The following VSIG10L variants were observed in gnomAD, a reference collection of about 807,000 sequenced individuals.
VSIG10L encodes V-set and immunoglobulin domain-containing protein 10-like.
VSIG10L carries 63 observed loss-of-function variants against 67.3 expected under a neutral mutation model. The ratio of observed to expected loss-of-function variants is 0.94; its 90% CI spans 0.76 to 1.15. The LOEUF (loss-of-function observed/expected upper bound fraction) is 1.15, where lower values mean the gene tolerates loss of function less well. Ranked by LOEUF, VSIG10L falls within the 50% of genes most tolerant of loss-of-function variation. The probability of loss-of-function intolerance (pLI) is 0.00; values close to 1 mark genes in which losing one functional copy is unlikely to be tolerated. For missense variants in VSIG10L, 1,050 were observed against 1,177.5 expected (o/e 0.89, Z 1.58); for synonymous variants, 499 against 524.9 (o/e 0.95, Z 0.67).
intron 7 of VSIG10L, among the ~76,000 whole-genome samples, chr19:51,336,412 G>A (rs909784797): frequency 6.6e-6 from 1 of 152,082 alleles, no homozygotes; most frequent in Admixed American, 6.6e-5. Flanking sequence ...AAATTAGCTG[G>A]GTGTGGTGGC....
chr19:51,333,756 C>T (rs1344424515), intron 9 of VSIG10L, 35 bp downstream of exon 9: 6 of 1,506,702 alleles, frequency 4.0e-6, no homozygotes, highest in African/African-American at 1.4e-5. Flanking sequence ...AGTTCCGCCC[C>T]GATTCCAGGA....
At position 51,340,451 on chromosome 19, in the gene VSIG10L, C is replaced by T; in HGVS notation, c.1171G>A (p.Ala391Thr). 6.7e-7 allele frequency: 1 copy of T among 1,491,436 alleles called. No individual in the cohort carries two copies. The highest frequency in any genetic ancestry group is 2.1e-5 in the Admixed American group (1 of 47,118). 92.4% of individuals were successfully genotyped at this position (1,491,436 alleles called of 1,614,324 possible). A position where few individuals can be genotyped will look rare whatever the true frequency, so the allele number is the denominator to read the frequency against. Residue 391 changes from alanine to threonine, a missense_variant, in exon 3 of 10, where the codon GCC becomes ACC. Physicochemically the swap from Ala to Thr is moderately conservative, Grantham distance 58 (BLOSUM62 0). Transcript: ENST00000335624. The surrounding 1 kb of genome is among the most constrained non-coding windows in gnomAD (Gnocchi z 6.3). ...RSPFGHREAAADVSVFYGPDP... is the reference protein window; with the variant it reads ...RSPFGHREAATDVSVFYGPDP... Reference sequence around the variant, plus strand: ...CACTCACAGAAGACGCTGACGTCGGCGGCAGCCTCCCTGTGGCCGAAGGGG... The same window carrying T: ...CACTCACAGAAGACGCTGACGTCGGTGGCAGCCTCCCTGTGGCCGAAGGGG...
Position 51,340,290 on chromosome 19 carries a change from TC to T in VSIG10L, c.1198del (p.Asp400ThrfsTer25), listed in dbSNP as rs1216996824. On this transcript the variant is annotated frameshift_variant, in exon 4 of 10. Transcript: ENST00000335624. LOFTEE classifies it high-confidence loss of function. This position sits in a 1 kb window ranked among gnomAD's most constrained non-coding sequence, Gnocchi z 6.3. ...CGAGGAGACCGTGATGGTCGGCGGG[TC>T]CGGGCCGTCTGGAGGGAGGAGGGGT... ...AADVSVFYGP[D>X]PPTITVSSDR... The T allele has an allele frequency of 6.6e-7, 1 of 1,516,726 alleles. No individual in the cohort carries two copies. The highest frequency in any genetic ancestry group is 8.8e-7 in the Non-Finnish European group (1 of 1,138,888). 94.0% of individuals were successfully genotyped at this position (1,516,726 alleles called of 1,614,324 possible).
chr19:51,335,175 G>A (rs1436613649), intron 7 of VSIG10L, among the ~76,000 whole-genome samples: 1 of 152,202 alleles, frequency 6.6e-6, no homozygotes, highest in Admixed American at 6.5e-5. Context: ...GGCCAGCGTG[G>A]GTGGAGGATA....
At position 51,333,780 on chromosome 19, in the gene VSIG10L, C is replaced by T. The variant is rs1376752343; in HGVS notation, c.2574+11G>A. The T allele has an allele frequency of 2.0e-6, 3 of 1,533,794 alleles. No individual in the cohort carries two copies. Among genetic ancestry groups the T allele is most frequent in the Non-Finnish European group, 2.6e-6 (3 of 1,139,654 alleles). The stretch of plus-strand genomic sequence containing the variant: ...CCGATTCCAGGAGGAAATGAGGGCA[C>T]CCACACTCACTTGGTAGGCCCTAGT... On this transcript the variant is annotated intron_variant, in intron 9 of 9. Transcript: ENST00000335624.
intron 8 of VSIG10L, 118 bp from the exon 9 acceptor site, chr19:51,334,063 T>A (rs1599831972): frequency 4.0e-6 from 6 of 1,490,636 alleles, no homozygotes; most frequent in Middle Eastern, 1.7e-4. Context: ...TTGGCTGATT[T>A]GGAGGTAGGA....
chr19:51,338,193 A>T lies in VSIG10L; in HGVS notation c.1745T>A (p.Val582Glu). The change falls in exon 6 of 10, where the codon GTG becomes GAG. Residue 582 changes from valine to glutamate, a missense_variant. Coordinates refer to ENST00000335624, the MANE Select transcript of VSIG10L (RefSeq NM_001163922.3). ...CTCTGCCACCAGCGGATGCAGCAGC[A>T]CCTCTCGGGGGGCCTCTGCCGGTGG... is the stretch of plus-strand genomic sequence containing the variant. ...CTVTPEAPRE[V>E]LLHPLVAETR... The T allele has an allele frequency of 1.4e-6, 2 of 1,457,786 alleles. No individual in the cohort carries two copies. The highest frequency in any genetic ancestry group is 9.1e-7 in the Non-Finnish European group (1 of 1,102,498). The allele number at this position is 1,457,786 out of a possible 1,614,324, so 90.3% of individuals were successfully genotyped here.
Position 51,341,963 on chromosome 19 carries a change from G to C in VSIG10L, c.85C>G (p.Gln29Glu), listed in dbSNP as rs757056621. ...ILTLRASSGL[Q>E]QTNFSSAFSS... ...AAGGCAGAGGAGAAGTTGGTTTGCT[G>C]AAGTCCAGAAGAGGCTCTGAGGGTG... The change falls in exon 2 of 10, where the codon CAG becomes GAG. Residue 29 changes from glutamine to glutamate, a missense_variant. Physicochemically the swap from Gln to Glu is conservative, Grantham distance 29 (BLOSUM62 2). This residue lies in a region of VSIG10L where 511 missense variants were observed against 557.9 expected (regional missense o/e 0.92). Transcript: ENST00000335624. 7.1e-6 allele frequency: 11 copies of C among 1,551,726 alleles called. No homozygotes were observed. The South Asian group carries it at 1.1e-4, about 15-fold the overall frequency.
intron 7 of VSIG10L, 30 bp downstream of exon 7, chr19:51,337,208 A>G: frequency 6.6e-7 from 1 of 1,521,756 alleles, no homozygotes; most frequent in African/African-American, 1.4e-5. Flanking sequence ...GGCACAACAG[A>G]GAAGGTCTAC....
Position 51,340,242 on chromosome 19 carries a change from CGGGCAGGCGCGGCG to C in VSIG10L, c.1233_1246del (p.Asp411GlufsTer8). ...CACGTTACTGCCCGCGGTGACAAAG[CGGGCAGGCGCGGCG>C]TCGCGGTCCGAGGAGACCGTGATGG... On this transcript the variant is annotated frameshift_variant, in exon 4 of 10. Transcript: ENST00000335624. LOFTEE classifies it high-confidence loss of function. This position sits in a 1 kb window ranked among gnomAD's most constrained non-coding sequence, Gnocchi z 6.3. 1.3e-6 allele frequency: 2 copies of C among 1,511,656 alleles called. No homozygotes were observed. Among genetic ancestry groups the C allele is most frequent in the Non-Finnish European group, 1.8e-6 (2 of 1,137,630 alleles). 93.6% of individuals were successfully genotyped at this position (1,511,656 alleles called of 1,614,324 possible). A position where few individuals can be genotyped will look rare whatever the true frequency, so the allele number is the denominator to read the frequency against.
Position 51,341,705 on chromosome 19 carries a change from C to T in VSIG10L, c.343G>A (p.Gly115Ser), listed in dbSNP as rs1487137865. 1 of 1,551,640 alleles carries T rather than the reference C, an allele frequency of 6.4e-7. No homozygotes were observed. The highest frequency in any genetic ancestry group is 2.0e-5 in the Admixed American group (1 of 51,002). ...GAAATATCAGGAAATACTTCAGAACCAGGGGTTTCAGAGAAGGGGGAAACC... is the reference window on the plus strand; with the variant it reads ...GAAATATCAGGAAATACTTCAGAACTAGGGGTTTCAGAGAAGGGGGAAACC... ...SPVSPFSETP[G>S]SEVFPDISDP... The change falls in exon 2 of 10, where the codon GGT becomes AGT. Residue 115 changes from glycine to serine, a missense_variant. Coordinates refer to ENST00000335624, the MANE Select transcript of VSIG10L (RefSeq NM_001163922.3).
chr19:51,338,140 G>A lies in VSIG10L; in HGVS notation c.1798C>T (p.Leu600=), dbSNP rs1009386805. 2 of 1,541,948 alleles carry A rather than the reference G, an allele frequency of 1.3e-6. No homozygotes were observed. The highest frequency in any genetic ancestry group is 1.8e-6 in the Non-Finnish European group (2 of 1,141,778). The change falls in exon 6 of 10, where the codon CTG becomes TTG. Residue 600 remains leucine, a synonymous_variant. Coordinates refer to ENST00000335624, the MANE Select transcript of VSIG10L (RefSeq NM_001163922.3). The stretch of plus-strand genomic sequence containing the variant: ...GGTGGGGGACAACCAGAGGCCTCCA[G>A]TGCCACCTCTGCCTCCCCCAACCGT... ...ETRLGEAEVA[L]EASGCPPPSR...
Position 51,333,909 on chromosome 19 carries a change from A to G in VSIG10L, c.2456T>C (p.Leu819Ser). 1 of 1,551,648 alleles carries G rather than the reference A, an allele frequency of 6.4e-7. No homozygotes were observed. Among genetic ancestry groups the G allele is most frequent in the Non-Finnish European group, 8.7e-7 (1 of 1,146,966 alleles). ...TPEKKKHPST[L>S]VPVVTPSEKK... is the part of the protein sequence containing the mutation. ...TTCTGAGGGGGTGACCACGGGGACC[A>G]AGGTAGAAGGATGCTTCTTTTTCTC... Residue 819 changes from leucine to serine, a missense_variant, in exon 9 of 10, where the codon TTG becomes TCG. Physicochemically the swap from Leu to Ser is moderately radical, Grantham distance 145. Coordinates refer to ENST00000335624, the MANE Select transcript of VSIG10L (RefSeq NM_001163922.3).
rs775047352 is a variant in VSIG10L, at chr19:51,337,228, C to T, written c.2305+10G>A. ...AACAGAGAAGGTCTACTCTGACAGC[C>T]CCAACTCACCGGCCCGGTAGACCCG... On this transcript the variant is annotated intron_variant, in intron 7 of 9. Coordinates refer to ENST00000335624, the MANE Select transcript of VSIG10L (RefSeq NM_001163922.3). The T allele has an allele frequency of 9.7e-6, 15 of 1,540,724 alleles. No individual in the cohort carries two copies. In the South Asian group the frequency reaches 1.8e-4, roughly 19 times the overall value.
intron 4 of VSIG10L, 57 bp downstream of exon 4, chr19:51,339,958 T>A: frequency 7.4e-5 from 66 of 890,774 alleles, no homozygotes; most frequent in Non-Finnish European, 9.0e-5. Context: ...AGCCCCGCCC[T>A]CGTTCTGGCC....
Position 51,341,278 on chromosome 19 carries a change from A to C in VSIG10L, c.770T>G (p.Phe257Cys). 1.3e-6 allele frequency: 2 copies of C among 1,549,204 alleles called. No individual in the cohort carries two copies. Among genetic ancestry groups the C allele is most frequent in the Non-Finnish European group, 1.7e-6 (2 of 1,146,886 alleles). The change falls in exon 2 of 10, where the codon TTT becomes TGT. Residue 257 changes from phenylalanine (F) to cysteine (C), a missense_variant. Phe to Cys is a radical substitution (Grantham distance 205). This residue lies in a region of VSIG10L where 511 missense variants were observed against 557.9 expected (regional missense o/e 0.92). Transcript: ENST00000335624. ...LDPAHRDHLR[F>C]DQARGVLELA... The stretch of plus-strand genomic sequence containing the variant: ...CTCCAGAACCCCCCGGGCCTGGTCA[A>C]ATCGCAGGTGGTCTCGGTGAGCAGG...
intron 6 of VSIG10L, 137 bp from the exon 7 acceptor site, chr19:51,337,671 G>A: frequency 2.6e-6 from 2 of 770,176 alleles, no homozygotes; most frequent in Admixed American, 3.0e-5. Flanking sequence ...AGGGGGTGGG[G>A]GCCTGGACTC....
Position 51,340,044 on chromosome 19 carries a change from C to T in VSIG10L, c.1445G>A (p.Arg482His). ...CACTGTAAGGTTGAGCAGCGAGCGG[C>T]GGCGGCGGCCGGTACGCGGGTTCGC... ...LAANPRTGRR[R>H]RSLLNLTVAD... Residue 482 changes from arginine to histidine, a missense_variant, in exon 4 of 10, where the codon CGC (arginine) becomes CAC (histidine). Coordinates refer to ENST00000335624, the MANE Select transcript of VSIG10L (RefSeq NM_001163922.3). This position sits in a 1 kb window ranked among gnomAD's most constrained non-coding sequence, Gnocchi z 6.3. 14 of 1,435,824 alleles carry T rather than the reference C, an allele frequency of 9.8e-6. No individual in the cohort carries two copies. The highest frequency in any genetic ancestry group is 1.5e-5 in the African/African-American group (1 of 67,700). The allele number at this position is 1,435,824 out of a possible 1,614,324, so 88.9% of individuals were successfully genotyped here.
intron 6 of VSIG10L, 91 bp from the exon 7 acceptor site, chr19:51,337,625 G>T: frequency 1.1e-6 from 1 of 912,272 alleles, no homozygotes; most frequent in Non-Finnish European, 1.6e-6. Flanking sequence ...TGAGGGGGAG[G>T]GGGCTGGGGG....
Sources: gnomAD v4.1 joint callset for allele counts (sites outside exome capture counted in the v4.1 genomes callset) on GRCh38, gnomAD v4.1.1 for gene constraint, gnomAD v4.1.1 regional missense constraint, Gnocchi (gnomAD v3.1) non-coding constraint, MANE v1.5 for transcripts, NCBI Gene and HGNC (gene_info 2026-07-23, HGNC 2026-07-21) for gene names.